Variants in NUTM2G observed in about 807,000 individuals in gnomAD.
NUTM2G encodes family with sequence similarity 22, member G.
Under a neutral mutation model 44.3 loss-of-function variants are expected in NUTM2G, and 29 were observed. The observed-to-expected ratio is 0.66, with a 90% confidence interval of 0.49 to 0.89. The LOEUF (loss-of-function observed/expected upper bound fraction) is 0.89, where lower values mean the gene tolerates loss of function less well. Ranked by LOEUF, NUTM2G falls within the 40% of genes least tolerant of loss-of-function variation. The pLI is 0.00. For synonymous variants in NUTM2G, 205 were observed against 395.9 expected (o/e 0.52, Z 5.72); for missense variants, 502 against 946.5 (o/e 0.53, Z 6.16).
rs770203047 is a variant in NUTM2G, at chr9:96,931,816, A to C, written c.111A>C (p.Pro37=). 2 of 1,611,760 alleles carry C rather than the reference A, an allele frequency of 1.2e-6. No individual in the cohort carries two copies. The highest frequency in any genetic ancestry group is 1.7e-5 in the Admixed American group (1 of 59,978). The change falls in exon 2 of 7, where the codon CCA becomes CCC. Residue 37 remains proline, a synonymous_variant. Coordinates refer to ENST00000372322, the MANE Select transcript of NUTM2G (RefSeq NM_001170741.3). ...CCTTTGCCACACCCTCTCCCGGCCC[A>C]ACACACAGGCCGCCCCTCGTGACTG... ...ALPFATPSPG[P]THRPPLVTAV...
chr9:96,936,867 G>A (rs1588205187), intron 4 of NUTM2G, among the ~76,000 whole-genome samples, 197 bp from the exon 5 acceptor site: 2 of 152,140 alleles, frequency 1.3e-5, no homozygotes, highest in South Asian at 2.1e-4. Context: ...ACGGCATATC[G>A]GTGGCTCCAA....
chr9:96,937,504 G>C (rs1826473878), intron 5 of NUTM2G, 100 bp downstream of exon 5: 1 of 1,034,268 alleles, frequency 9.7e-7, no homozygotes. Context: ...AGTAGTATGT[G>C]TATTTCCATG....
chr9:96,938,097 G>A (rs1826501276), intron 6 of NUTM2G, 96 bp downstream of exon 6: 5 of 1,494,502 alleles, frequency 3.3e-6, no homozygotes, highest in Non-Finnish European at 4.6e-6. Flanking sequence ...CCCTGCTGGG[G>A]ATGTTCAGCT....
In NUTM2G at chr9:96,936,371, G is replaced by T. The variant is rs898665191; in HGVS notation, c.843-54G>T. On this transcript the variant is annotated intron_variant, in intron 3 of 6. Transcript: ENST00000372322. ...CTGCCCTCGGCTGCTGCCTGGTCCT[G>T]GGGGGAGGGGGCCTGGACCCTCTCA... 36 of 1,544,238 alleles carry T rather than the reference G, an allele frequency of 2.3e-5. 1 individual carries two copies. Among genetic ancestry groups the T allele is most frequent in the East Asian group, 7.2e-5 (3 of 41,826 alleles).
intron 2 of NUTM2G, among the ~76,000 whole-genome samples, chr9:96,932,963 CTTTT>C (rs1466421199): frequency 6.8e-6 from 1 of 147,016 alleles, no homozygotes; most frequent in East Asian, 2.1e-4. Context: ...TACTTACTTT[CTTTT>C]CTTTTCTTTT....
chr9:96,930,075 C>T (rs1367509025), intron 1 of NUTM2G, among the ~76,000 whole-genome samples: 3 of 152,232 alleles, frequency 2.0e-5, no homozygotes, highest in Non-Finnish European at 4.4e-5. Flanking sequence ...TCCTAGTGAA[C>T]AGGGATGAGT....
chr9:96,935,856 A>G (rs1826414857), intron 3 of NUTM2G, among the ~76,000 whole-genome samples: 1 of 151,962 alleles, frequency 6.6e-6, no homozygotes, highest in African/African-American at 2.4e-5. Context: ...CAGCCTGGCC[A>G]GGGAGTTGGG....
chr9:96,931,583 G>A (rs1826244411), intron 1 of NUTM2G, 139 bp from the exon 2 acceptor site: 1 of 720,696 alleles, frequency 1.4e-6, no homozygotes, highest in Non-Finnish European at 2.3e-6. Flanking sequence ...CAGAGCATCT[G>A]ATGCACACTC....
chr9:96,937,695 G>A (rs546448209), intron 5 of NUTM2G, among the ~76,000 whole-genome samples, 190 bp from the exon 6 acceptor site: 1 of 148,556 alleles, frequency 6.7e-6, no homozygotes, highest in South Asian at 2.1e-4. Context: ...TGTGTGGTTT[G>A]TGTGTCTCTG....
chr9:96,930,872 G>GTTTTTTT lies in NUTM2G; in HGVS notation c.17-816_17-810dup, dbSNP rs1168888338. Among the ~76,000 whole-genome samples, 50 of 72,726 alleles carry GTTTTTTT rather than the reference G, an allele frequency of 6.9e-4. 9 individuals are homozygous for GTTTTTTT. Among genetic ancestry groups the GTTTTTTT allele is most frequent in the South Asian group, 1.7e-3 (3 of 1,792 alleles). 47.7% of individuals were successfully genotyped at this position (72,726 alleles called of 152,430 possible). On this transcript the variant is annotated intron_variant, in intron 1 of 6. Coordinates refer to ENST00000372322, the MANE Select transcript of NUTM2G (RefSeq NM_001170741.3). Reference sequence around the variant, plus strand: ...GGCTTGGGCGAGTTTCCATCCAGTGGTTTTTTTTTTTTTTTTTTTTTTTTT... The same window carrying GTTTTTTT: ...GGCTTGGGCGAGTTTCCATCCAGTGGTTTTTTTTTTTTTTTTTTTTTTTTTTTTTTTT...
chr9:96,931,309 C>T (rs1411909865), intron 1 of NUTM2G, among the ~76,000 whole-genome samples: 3 of 151,380 alleles, frequency 2.0e-5, no homozygotes, highest in Admixed American at 6.6e-5. Flanking sequence ...GGTTTCCTGT[C>T]GGCCTTCTGA....
intron 3 of NUTM2G, 98 bp downstream of exon 3, chr9:96,935,554 G>A: frequency 6.2e-7 from 1 of 1,608,410 alleles, no homozygotes; most frequent in East Asian, 2.2e-5. Context: ...GGAGCATGAG[G>A]AGGGTGTGGA....
intron 4 of NUTM2G, 65 bp from the exon 5 acceptor site, chr9:96,936,999 C>T: frequency 1.4e-6 from 2 of 1,401,044 alleles, no homozygotes; most frequent in East Asian, 2.5e-5. Context: ...CCCTGCCCTC[C>T]CCTGTGTGGT....
chr9:96,931,639 C>G, intron 1 of NUTM2G, 83 bp from the exon 2 acceptor site: 1 of 1,501,888 alleles, frequency 6.7e-7, no homozygotes, highest in African/African-American at 1.4e-5. Flanking sequence ...ATGCCCTCAG[C>G]TGTTGGGACT....
At position 96,931,859 on chromosome 9, in the gene NUTM2G, G is replaced by C; in HGVS notation, c.154G>C (p.Gly52Arg). Residue 52 changes from glycine (G) to arginine (R), a missense_variant, in exon 2 of 7, where the codon GGC becomes CGC. By Grantham distance (125) the Gly-to-Arg change is moderately radical. Transcript: ENST00000372322. ...CGTGACTGCAGTGGTTCCTCCAGCC[G>C]GCCCTCTGGTGCTCTCTGCCTTCCC... is the stretch of plus-strand genomic sequence containing the variant. ...PLVTAVVPPA[G>R]PLVLSAFPST... The C allele has an allele frequency of 6.2e-7, 1 of 1,612,342 alleles. No homozygotes were observed. Among genetic ancestry groups the C allele is most frequent in the Non-Finnish European group, 8.5e-7 (1 of 1,179,830 alleles).
intron 1 of NUTM2G, among the ~76,000 whole-genome samples, chr9:96,930,251 G>C (rs570573660): frequency 6.6e-6 from 1 of 152,056 alleles, no homozygotes; most frequent in African/African-American, 2.4e-5. Context: ...CTGGCCGGGC[G>C]CGGTGGCTCA....
Position 96,937,332 on chromosome 9 carries a change from C to A in NUTM2G, c.1251C>A (p.Asp417Glu). The A allele has an allele frequency of 6.2e-7, 1 of 1,613,910 alleles. No homozygotes were observed. Among genetic ancestry groups the A allele is most frequent in the South Asian group, 1.1e-5 (1 of 91,064 alleles). Residue 417 changes from aspartate to glutamate, a missense_variant, in exon 5 of 7, where the codon GAC becomes GAA. By Grantham distance (45) the Asp-to-Glu change is conservative. Coordinates refer to ENST00000372322, the MANE Select transcript of NUTM2G (RefSeq NM_001170741.3). ...KGKVEQPQEEDGMTSDPGLLS... is the reference protein window; with the variant it reads ...KGKVEQPQEEEGMTSDPGLLS... ...AAGTGGAGCAGCCGCAGGAAGAGGACGGGATGACCTCAGACCCGGGCCTCC... is the reference window on the plus strand; with the variant it reads ...AAGTGGAGCAGCCGCAGGAAGAGGAAGGGATGACCTCAGACCCGGGCCTCC...
intron 1 of NUTM2G, among the ~76,000 whole-genome samples, chr9:96,929,560 CA>C (rs1038328080): frequency 6.6e-6 from 1 of 152,032 alleles, no homozygotes; most frequent in African/African-American, 2.4e-5. Flanking sequence ...TCTGGGTGGG[CA>C]AGGCTGGGGG....
rs548239655 is a variant in NUTM2G at position 96,929,043 on chromosome 9, G to T, written c.16+3G>T. 5.0e-6 allele frequency: 8 copies of T among 1,610,684 alleles called. No homozygotes were observed. Among genetic ancestry groups the T allele is most frequent in the Middle Eastern group, 1.7e-4 (1 of 6,052 alleles). On this transcript the variant is annotated splice_donor_region_variant and intron_variant, in intron 1 of 6. Coordinates refer to ENST00000372322, the MANE Select transcript of NUTM2G (RefSeq NM_001170741.3). ...TGAGGGGATGGCTTCAAATGGAGGT[G>T]AGCCTGTAGGGATGGGGCATTATCC... is the stretch of plus-strand genomic sequence containing the variant.
Sources: allele counts gnomAD v4.1 joint callset (sites outside exome capture counted in the v4.1 genomes callset), GRCh38; gene constraint gnomAD v4.1.1; transcripts MANE v1.5; gene names NCBI Gene and HGNC (gene_info 2026-07-23, HGNC 2026-07-21).